ARHGAP32: variants seen among roughly 807,000 people sequenced by gnomAD.
ARHGAP32 encodes rho GTPase-activating protein 32.
ARHGAP32 carries 51 observed loss-of-function variants against 186.5 expected under a neutral mutation model. The ratio of observed to expected loss-of-function variants is 0.27; its 90% CI spans 0.22 to 0.35. The LOEUF (loss-of-function observed/expected upper bound fraction) is 0.35, where lower values mean the gene tolerates loss of function less well. ARHGAP32 is among the 10% of genes least tolerant of loss of function. The pLI, the probability that ARHGAP32 is intolerant of heterozygous loss-of-function variation, is 1.00. For synonymous variants in ARHGAP32, 950 were observed against 964.3 expected, an observed-to-expected ratio of 0.99 and a Z score of 0.27; for missense variants, 2,186 against 2,623.5, an observed-to-expected ratio of 0.83 and a Z score of 3.64.
chr11:129,180,989 A>G (rs1019480131), intron 1 of ARHGAP32, among the ~76,000 whole-genome samples: 3 of 152,148 alleles, frequency 2.0e-5, no homozygotes, highest in Non-Finnish European at 4.4e-5. Context: ...ACAATGTTGA[A>G]GTTCCACAGA....
rs752245357 is a variant in ARHGAP32 at position 129,066,881 on chromosome 11, A to T, written c.532-13T>A. 1.0e-4 allele frequency: 166 copies of T among 1,586,342 alleles called. No homozygotes were observed. The highest frequency in any genetic ancestry group is 1.3e-4 in the Non-Finnish European group (155 of 1,163,354). On this transcript the variant is annotated splice_polypyrimidine_tract_variant and intron_variant, in intron 6 of 22. Transcript: ENST00000682385. ...TCCAACTTTTTCCCTATTGGTAGAA[A>T]AAAGAAACTCATATAATTCACCTCT...
intron 2 of ARHGAP32, among the ~76,000 whole-genome samples, chr11:129,153,460 C>T (rs1216109673): frequency 6.6e-6 from 1 of 152,064 alleles, no homozygotes; most frequent in East Asian, 1.9e-4. Flanking sequence ...AACATGGAGG[C>T]ATCACATTAC....
At chr11:129,051,869 C>T (rs1016813671) in intron 10 of ARHGAP32, among the ~76,000 whole-genome samples, 1 of 143,668 alleles carries the variant, frequency 7.0e-6, no homozygotes, top group African/African-American at 2.6e-5. Flanking sequence ...GTGGGAGAAT[C>T]GCTTGAACCC....
intron 6 of ARHGAP32, among the ~76,000 whole-genome samples, chr11:129,091,184 A>C (rs999742151): frequency 3.9e-5 from 6 of 152,150 alleles, no homozygotes; most frequent in Non-Finnish European, 8.8e-5. Context: ...AAGACACACC[A>C]ATATGGGTAA....
chr11:129,143,090 A>ATATATATATATATATATATATATATAT (rs1258769121), intron 2 of ARHGAP32, among the ~76,000 whole-genome samples: 2 of 47,586 alleles, frequency 4.2e-5, no homozygotes, highest in South Asian at 9.4e-4. Context: ...TATATATATA[A>ATATATATATATATATATATATATATAT]TCAACTGAAT....
intron 5 of ARHGAP32, among the ~76,000 whole-genome samples, chr11:129,108,245 T>C (rs1384523953): frequency 6.6e-6 from 1 of 152,154 alleles, no homozygotes; most frequent in Non-Finnish European, 1.5e-5. Context: ...ACCACTTGCT[T>C]TCTACAAGAG....
At chr11:129,263,512 C>A (rs986354285) in intron 1 of ARHGAP32, among the ~76,000 whole-genome samples, 2 of 149,024 alleles carry the variant, frequency 1.3e-5, no homozygotes, top group Non-Finnish European at 1.5e-5. Flanking sequence ...GCAAACCAAA[C>A]CATGATAAGA....
chr11:129,159,765 C>T (rs922331250), intron 2 of ARHGAP32, among the ~76,000 whole-genome samples: 6 of 151,990 alleles, frequency 3.9e-5, no homozygotes, highest in Non-Finnish European at 7.4e-5. Flanking sequence ...AGAGACACAA[C>T]AAAAAAACTA....
chr11:129,222,884 A>G (rs536752934), intron 1 of ARHGAP32, among the ~76,000 whole-genome samples: 25 of 152,206 alleles, frequency 1.6e-4, no homozygotes, highest in Non-Finnish European at 3.5e-4. Flanking sequence ...TTCTGGGGGT[A>G]GAAAAAGGAT....
chr11:129,034,221 T>C (rs1379184390), intron 11 of ARHGAP32, among the ~76,000 whole-genome samples: 1 of 152,182 alleles, frequency 6.6e-6, no homozygotes, highest in Non-Finnish European at 1.5e-5. Flanking sequence ...GCAGATATCC[T>C]AGGGGAATAA....
chr11:128,973,352 T>G lies in ARHGAP32; in HGVS notation c.3154A>C (p.Asn1052His), dbSNP rs1227812630. 1 of 1,614,002 alleles carries G rather than the reference T, an allele frequency of 6.2e-7. No individual in the cohort carries two copies. ...SLIPPPPPPK[N>H]VARMLALALA... Reference sequence around the variant, plus strand: ...GCTAGCGCCAACATTCGGGCAACATTTTTCGGAGGCGGTGGTGGTGGGATA... The same window carrying G: ...GCTAGCGCCAACATTCGGGCAACATGTTTCGGAGGCGGTGGTGGTGGGATA... Residue 1052 changes from asparagine (N) to histidine (H), a missense_variant, in exon 22 of 23, where the codon AAT becomes CAT. By Grantham distance (68) the Asn-to-His change is moderately conservative. Coordinates refer to ENST00000682385, the MANE Select transcript of ARHGAP32 (RefSeq NM_001378024.1).
At chr11:129,148,849 T>C (rs1031391707) in intron 2 of ARHGAP32, among the ~76,000 whole-genome samples, 3 of 152,076 alleles carry the variant, frequency 2.0e-5, no homozygotes, top group African/African-American at 7.2e-5. Context: ...TGAGAAACTA[T>C]ATAGAACAAC....
chr11:128,972,346 A>G (rs1473946559), intron 22 of ARHGAP32, 107 bp downstream of exon 22: 12 of 1,303,594 alleles, frequency 9.2e-6, no homozygotes, highest in African/African-American at 1.5e-5. Flanking sequence ...CACAGGGCTT[A>G]AAAGTAATTG....
At chr11:129,017,629 G>T (rs2604226) in intron 11 of ARHGAP32, among the ~76,000 whole-genome samples, 18,543 of 152,098 alleles carry the variant, frequency 0.12, 1,299 homozygotes, top group Non-Finnish European at 0.15. Context: ...GCTGAACTCT[G>T]TTATTATTTC....
At chr11:129,009,711 C>A (rs908977734) in intron 11 of ARHGAP32, among the ~76,000 whole-genome samples, 10 of 152,022 alleles carry the variant, frequency 6.6e-5, no homozygotes, top group Admixed American at 6.6e-4. Flanking sequence ...GTATATGTAT[C>A]CCTTTTTTTT....
At chr11:129,216,664 G>C (rs1944650528) in intron 1 of ARHGAP32, among the ~76,000 whole-genome samples, 1 of 89,548 alleles carries the variant, frequency 1.1e-5, no homozygotes, top group Non-Finnish European at 2.3e-5. Context: ...GAGTGAGACT[G>C]TCTTTAAAAA....
At chr11:129,105,237 T>C (rs987257168) in intron 5 of ARHGAP32, among the ~76,000 whole-genome samples, 1 of 152,118 alleles carries the variant, frequency 6.6e-6, no homozygotes, top group South Asian at 2.1e-4. Context: ...CTCTGGGAAA[T>C]GACAGCATTC....
chr11:129,061,561 T>C (rs1281772754), intron 10 of ARHGAP32, among the ~76,000 whole-genome samples: 3 of 152,178 alleles, frequency 2.0e-5, no homozygotes, highest in African/African-American at 7.2e-5. Context: ...AGCACCTTAA[T>C]ACCTCAACAG....
upstream of ARHGAP32, among the ~76,000 whole-genome samples, chr11:129,193,513 C>A (rs1944311000): frequency 1.3e-5 from 1 of 79,108 alleles, no homozygotes. Flanking sequence ...TATATATATG[C>A]AGGTCCCTAG....
Sources: allele counts gnomAD v4.1 joint callset (sites outside exome capture counted in the v4.1 genomes callset), GRCh38; gene constraint gnomAD v4.1.1; transcripts MANE v1.5; gene names NCBI Gene and HGNC (gene_info 2026-07-23, HGNC 2026-07-21).